The following KCNIP4 variants were observed in gnomAD, a reference collection of about 807,000 sequenced individuals.
KCNIP4 encodes the protein potassium voltage-gated channel interacting protein 4, also known as Kv channel-interacting protein 4.
KCNIP4 carries 12 observed loss-of-function variants against 34.0 expected under a neutral mutation model. The observed-to-expected ratio is 0.35, with a 90% CI of 0.23 to 0.57. The LOEUF (loss-of-function observed/expected upper bound fraction) is 0.57, where lower values mean the gene tolerates loss of function less well. KCNIP4 is among the 20% of genes least tolerant of loss of function. The probability of loss-of-function intolerance (pLI) is 0.83; values close to 1 mark genes in which losing one functional copy is unlikely to be tolerated. For missense variants in KCNIP4, 238 were observed against 311.7 expected (o/e 0.76, Z 1.78); for synonymous variants, 124 against 102.2 (o/e 1.21, Z -1.29).
chr4:20,932,965 A>G (rs1268420217), intron 1 of KCNIP4, among the ~76,000 whole-genome samples: 4 of 151,996 alleles, frequency 2.6e-5, no homozygotes, highest in Non-Finnish European at 5.9e-5. Flanking sequence ...AGAGTAGAAG[A>G]CCAGGCACAG....
At chr4:20,928,386 A>G (rs1730108247) in intron 1 of KCNIP4, among the ~76,000 whole-genome samples, 1 of 152,022 alleles carries the variant, frequency 6.6e-6, no homozygotes, top group African/African-American at 2.4e-5. Context: ...AATAAATTAA[A>G]GAAAAACTCA....
intron 1 of KCNIP4, among the ~76,000 whole-genome samples, chr4:21,524,987 T>C (rs1735853297): frequency 6.6e-6 from 1 of 152,154 alleles, no homozygotes. Flanking sequence ...TGTTTTCCAA[T>C]AGAGCCAGTA....
At chr4:21,641,643 C>T (rs1746624692) in intron 1 of KCNIP4, among the ~76,000 whole-genome samples, 2 of 152,108 alleles carry the variant, frequency 1.3e-5, no homozygotes, top group African/African-American at 4.8e-5. Flanking sequence ...CATGTGAATG[C>T]TAACCAAAGA....
intron 1 of KCNIP4, among the ~76,000 whole-genome samples, chr4:21,602,643 C>G (rs1225427077): frequency 1.3e-5 from 2 of 152,090 alleles, no homozygotes; most frequent in East Asian, 3.9e-4. Context: ...TTATATTGCT[C>G]AGAATGTATT....
In KCNIP4 at chr4:21,370,882, C is replaced by CACACGTGT. The variant is rs367553482; in HGVS notation, c.62-488174_62-488173insACACGTGT. On this transcript the variant is annotated intron_variant, in intron 1 of 8. Transcript: ENST00000382152. ...ACACACACACACACACACACACACA[C>CACACGTGT]GTGTGTGTGTGTGTGTGTGTATTAG... is the stretch of plus-strand genomic sequence containing the variant. 7.3e-3 allele frequency among the ~76,000 whole-genome samples: 286 copies of CACACGTGT among 39,288 alleles called. 29 individuals are homozygous for CACACGTGT. The highest frequency in any genetic ancestry group is 0.01 in the South Asian group (9 of 862). The allele number at this position is 39,288 out of a possible 152,430, so 25.8% of individuals were successfully genotyped here.
At chr4:20,777,621 C>T (rs969407691) in intron 3 of KCNIP4, among the ~76,000 whole-genome samples, 5 of 152,108 alleles carry the variant, frequency 3.3e-5, no homozygotes, top group Admixed American at 2.0e-4. Context: ...TCCCATCCTC[C>T]AGAAATGTAA....
At chr4:21,493,136 T>TC in intron 1 of KCNIP4, among the ~76,000 whole-genome samples, 1 of 152,008 alleles carries the variant, frequency 6.6e-6, no homozygotes, top group Non-Finnish European at 1.5e-5. Flanking sequence ...ATAAATGGAG[T>TC]CCCCATGGGG....
intron 1 of KCNIP4, among the ~76,000 whole-genome samples, chr4:21,820,285 GTATATATATA>G (rs869204752): frequency 4.8e-3 from 100 of 20,662 alleles, no homozygotes; most frequent in East Asian, 0.031. Context: ...GTGTGTGTGT[GTATATATATA>G]TATATATATA....
chr4:21,907,952 A>G (rs1468233622), intron 1 of KCNIP4, among the ~76,000 whole-genome samples: 1 of 152,180 alleles, frequency 6.6e-6, no homozygotes, highest in Non-Finnish European at 1.5e-5. Context: ...CGGCAAAAAC[A>G]CATTGGATTC....
chr4:21,454,919 A>C (rs1050217378), intron 1 of KCNIP4, among the ~76,000 whole-genome samples: 1 of 152,068 alleles, frequency 6.6e-6, no homozygotes, highest in Non-Finnish European at 1.5e-5. Flanking sequence ...CGAGTAGGGC[A>C]GTGACCAGGT....
intron 1 of KCNIP4, among the ~76,000 whole-genome samples, chr4:21,312,403 A>G (rs2109276869): frequency 6.6e-6 from 1 of 152,214 alleles, no homozygotes; most frequent in Admixed American, 6.5e-5. Flanking sequence ...ATTTTTCTCA[A>G]AAGTTCTAAT....
chr4:21,497,065 C>T (rs1022200239), intron 1 of KCNIP4, among the ~76,000 whole-genome samples: 2 of 152,156 alleles, frequency 1.3e-5, no homozygotes, highest in Non-Finnish European at 2.9e-5. Flanking sequence ...ATTTTTTATA[C>T]TGACAACTGT....
chr4:20,732,642 C>T (rs1259097256), intron 7 of KCNIP4, 39 bp downstream of exon 7: 1 of 1,360,312 alleles, frequency 7.4e-7, no homozygotes, highest in Admixed American at 1.7e-5. Flanking sequence ...AAATTTTCTC[C>T]TAACTTCATG....
intron 1 of KCNIP4, among the ~76,000 whole-genome samples, chr4:21,079,607 G>A (rs1171362987): frequency 1.3e-5 from 2 of 151,728 alleles, no homozygotes; most frequent in Admixed American, 1.3e-4. Flanking sequence ...GACCCACAAA[G>A]ATGTTCTTAA....
chr4:20,735,916 A>T (rs2149279802), intron 5 of KCNIP4, among the ~76,000 whole-genome samples: 1 of 152,354 alleles, frequency 6.6e-6, no homozygotes, highest in South Asian at 2.1e-4. Flanking sequence ...GGTAGGAATG[A>T]AAGCAGAGGG....
chr4:21,105,906 T>A (rs1180916583), intron 1 of KCNIP4, among the ~76,000 whole-genome samples: 1 of 151,580 alleles, frequency 6.6e-6, no homozygotes, highest in African/African-American at 2.4e-5. Context: ...ATTTATTGAT[T>A]TGCATATATT....
At chr4:20,982,095 G>A (rs1052675085) in intron 1 of KCNIP4, among the ~76,000 whole-genome samples, 14 of 152,088 alleles carry the variant, frequency 9.2e-5, no homozygotes, top group South Asian at 2.1e-4. Context: ...ATCGTTGCCC[G>A]GGGCCTTACA....
chr4:21,324,109 C>A (rs996529392), intron 1 of KCNIP4, among the ~76,000 whole-genome samples: 2 of 151,712 alleles, frequency 1.3e-5, no homozygotes, highest in Non-Finnish European at 3.0e-5. Context: ...GATTTTTTTC[C>A]TATGGAGTTG....
intron 1 of KCNIP4, among the ~76,000 whole-genome samples, chr4:21,050,864 T>A (rs1045586792): frequency 2.0e-5 from 3 of 152,256 alleles, no homozygotes; most frequent in African/African-American, 7.2e-5. Context: ...TTTCATTCAC[T>A]GGCCTCTTCT....
Sources: allele counts gnomAD v4.1 joint callset (sites outside exome capture counted in the v4.1 genomes callset), GRCh38; gene constraint gnomAD v4.1.1; transcripts MANE v1.5; gene names NCBI Gene and HGNC (gene_info 2026-07-23, HGNC 2026-07-21).